Variants in NMNAT3 observed in about 807,000 individuals in gnomAD.
The protein encoded by NMNAT3 is nicotinamide/nicotinic acid mononucleotide adenylyltransferase 3.
NMNAT3 carries 21 observed loss-of-function variants against 24.8 expected under a neutral mutation model. The ratio of observed to expected loss-of-function variants is 0.85; its 90% CI spans 0.60 to 1.22. The LOEUF (loss-of-function observed/expected upper bound fraction) is 1.22, where lower values mean the gene tolerates loss of function less well. NMNAT3 is among the 50% of genes most tolerant of loss of function. The probability of loss-of-function intolerance (pLI) is 0.00; values close to 1 mark genes in which losing one functional copy is unlikely to be tolerated. For synonymous variants in NMNAT3, 136 were observed against 155.2 expected, an observed-to-expected ratio of 0.88 and a Z score of 0.92; for missense variants, 387 against 436.6, an observed-to-expected ratio of 0.89 and a Z score of 1.01.
At chr3:139,598,629 A>G (rs2054581857) in intron 3 of NMNAT3, among the ~76,000 whole-genome samples, 1 of 152,174 alleles carries the variant, frequency 6.6e-6, no homozygotes, top group Admixed American at 6.5e-5. Flanking sequence ...ATCATGGAGC[A>G]GGGACAAGCC....
chr3:139,580,158 T>C (rs1200703264), intron 4 of NMNAT3, among the ~76,000 whole-genome samples: 1 of 152,154 alleles, frequency 6.6e-6, no homozygotes, highest in Admixed American at 6.5e-5. Context: ...TAAGAGATCT[T>C]GTGTGTTAGG....
At chr3:139,599,958 C>T (rs1371325333) in intron 3 of NMNAT3, among the ~76,000 whole-genome samples, 1 of 152,212 alleles carries the variant, frequency 6.6e-6, no homozygotes, top group African/African-American at 2.4e-5. Flanking sequence ...TCTGGCAGCA[C>T]AGTCGGCCAG....
intron 3 of NMNAT3, among the ~76,000 whole-genome samples, chr3:139,589,773 T>A (rs1486026648): frequency 6.6e-6 from 1 of 152,196 alleles, no homozygotes; most frequent in Non-Finnish European, 1.5e-5. Flanking sequence ...GAAAATAGGC[T>A]ATGGATCAGA....
chr3:139,613,639 A>G lies in NMNAT3; in HGVS notation c.109+13977T>C, dbSNP rs2055336350. 3.3e-5 allele frequency among the ~76,000 whole-genome samples: 5 copies of G among 152,168 alleles called. No homozygotes were observed. In the South Asian group the frequency reaches 1.0e-3, roughly 32 times the overall value. ...ACCCAGCCATCCCATTACTGGGTAT[A>G]TACCCAAAGGATTATAAATCATGCT... On this transcript the variant is annotated intron_variant, in intron 3 of 6. Transcript: ENST00000643695.
At chr3:139,590,684 A>C (rs1459470193) in intron 3 of NMNAT3, among the ~76,000 whole-genome samples, 1 of 152,122 alleles carries the variant, frequency 6.6e-6, no homozygotes, top group Non-Finnish European at 1.5e-5. Context: ...AAGCTTAAAA[A>C]TTAATGCGTG....
intron 3 of NMNAT3, among the ~76,000 whole-genome samples, chr3:139,605,132 G>A (rs561693249): frequency 4.6e-5 from 7 of 152,252 alleles, no homozygotes; most frequent in African/African-American, 9.6e-5. Context: ...CACATCCACC[G>A]ATAGCAAGAC....
intron 1 of NMNAT3, among the ~76,000 whole-genome samples, chr3:139,650,823 C>A (rs930314710): frequency 2.6e-5 from 4 of 152,172 alleles, no homozygotes; most frequent in Admixed American, 6.6e-5. Context: ...CTCCATTTCC[C>A]TTCCTCGAGG....
At chr3:139,566,394 T>C (rs1937221682) in intron 6 of NMNAT3, 1 of 152,264 alleles carries the variant, frequency 6.6e-6, no homozygotes, top group Non-Finnish European at 1.5e-5. Context: ...ATTTTGGCTT[T>C]CATTGCCATT....
At chr3:139,647,436 A>G (rs1445749925) in intron 1 of NMNAT3, among the ~76,000 whole-genome samples, 1 of 152,228 alleles carries the variant, frequency 6.6e-6, no homozygotes. Flanking sequence ...TAGGTTGAAT[A>G]ATGTCCCCCA....
At chr3:139,675,135 T>TACACACACACACACACAAACACACAC (rs1553766850) in intron 1 of NMNAT3, among the ~76,000 whole-genome samples, 4 of 148,228 alleles carry the variant, frequency 2.7e-5, no homozygotes, top group Admixed American at 1.3e-4. Flanking sequence ...CTTTTAAACA[T>TACACACACACACACACAAACACACAC]ACACACACAC....
intron 3 of NMNAT3, among the ~76,000 whole-genome samples, chr3:139,602,048 A>G (rs1390592762): frequency 3.3e-5 from 5 of 152,244 alleles, no homozygotes; most frequent in Non-Finnish European, 5.9e-5. Flanking sequence ...CCTTCATGGT[A>G]ATTTACACTC....
At chr3:139,673,351 A>G (rs1257261810) in intron 1 of NMNAT3, among the ~76,000 whole-genome samples, 7 of 152,196 alleles carry the variant, frequency 4.6e-5, no homozygotes, top group African/African-American at 1.7e-4. Context: ...ATTGGATCAC[A>G]GCATTATTCT....
intron 1 of NMNAT3, among the ~76,000 whole-genome samples, chr3:139,660,750 A>G (rs889711133): frequency 1.1e-4 from 16 of 152,196 alleles, no homozygotes; most frequent in African/African-American, 2.7e-4. Flanking sequence ...AGGTAACAAC[A>G]AACACTCCAA....
intron 3 of NMNAT3, among the ~76,000 whole-genome samples, chr3:139,604,147 G>T (rs1254112551): frequency 6.6e-6 from 1 of 152,204 alleles, no homozygotes. Context: ...CTCATTGGAA[G>T]ATTCATTTCT....
At chr3:139,602,180 A>G (rs2054748952) in intron 3 of NMNAT3, among the ~76,000 whole-genome samples, 1 of 152,188 alleles carries the variant, frequency 6.6e-6, no homozygotes, top group Non-Finnish European at 1.5e-5. Context: ...CCTTTTTTGC[A>G]TTATTCATGT....
intron 1 of NMNAT3, among the ~76,000 whole-genome samples, chr3:139,674,025 G>T (rs2057845758): frequency 6.6e-6 from 1 of 152,092 alleles, no homozygotes. Flanking sequence ...TGGATTTAGG[G>T]GCAGCTCTGG....
intron 3 of NMNAT3, among the ~76,000 whole-genome samples, chr3:139,586,131 A>C (rs1048023591): frequency 3.3e-5 from 5 of 152,222 alleles, no homozygotes; most frequent in Admixed American, 3.3e-4. Context: ...CAGAACAGAA[A>C]ACCAATACCG....
At chr3:139,633,794 A>G (rs1320967573) in intron 2 of NMNAT3, among the ~76,000 whole-genome samples, 1 of 152,152 alleles carries the variant, frequency 6.6e-6, no homozygotes, top group African/African-American at 2.4e-5. Context: ...AGAGAGTGGA[A>G]GGATCACGAG....
At chr3:139,640,897 T>C (rs1188117126) in intron 1 of NMNAT3, among the ~76,000 whole-genome samples, 1 of 152,256 alleles carries the variant, frequency 6.6e-6, no homozygotes, top group East Asian at 1.9e-4. Context: ...AGAGCAGGCC[T>C]GAGTCAGATT....
Sources: gnomAD v4.1 joint callset for allele counts (sites outside exome capture counted in the v4.1 genomes callset) on GRCh38, gnomAD v4.1.1 for gene constraint, MANE v1.5 for transcripts, NCBI Gene and HGNC (gene_info 2026-07-23, HGNC 2026-07-21) for gene names.